The following KIRREL3 variants were observed in gnomAD, a reference collection of about 807,000 sequenced individuals.
The protein encoded by KIRREL3 is kirre like nephrin family adhesion molecule 3, also known as kin of IRRE-like protein 3.
In KIRREL3, 36 loss-of-function variants were observed where a neutral mutation model predicts 89.7. The observed-to-expected ratio is 0.40, with a 90% CI of 0.31 to 0.53. The LOEUF (loss-of-function observed/expected upper bound fraction) is 0.53, where lower values mean the gene tolerates loss of function less well. Ranked by LOEUF, KIRREL3 falls within the 20% of genes least tolerant of loss-of-function variation. KIRREL3 has a pLI of 0.49. For missense variants in KIRREL3, 864 were observed against 1,056.6 expected (o/e 0.82, Z 2.53); for synonymous variants, 445 against 441.4 (o/e 1.01, Z -0.10).
chr11:126,767,448 A>G (rs1433754573), intron 1 of KIRREL3, among the ~76,000 whole-genome samples: 1 of 152,206 alleles, frequency 6.6e-6, no homozygotes, highest in Non-Finnish European at 1.5e-5. Context: ...CTGGGAATGT[A>G]GACAACTAAT....
At chr11:126,864,121 A>G (rs1304541137) in intron 1 of KIRREL3, among the ~76,000 whole-genome samples, 1 of 152,258 alleles carries the variant, frequency 6.6e-6, no homozygotes, top group Non-Finnish European at 1.5e-5. Flanking sequence ...ATTACAAAGT[A>G]TAGAGCAGGA....
At chr11:126,800,735 C>A (rs550408665) in intron 1 of KIRREL3, among the ~76,000 whole-genome samples, 1 of 152,280 alleles carries the variant, frequency 6.6e-6, no homozygotes, top group African/African-American at 2.4e-5. Flanking sequence ...AAACAGGCCA[C>A]CCCTACAGCC....
Position 126,827,266 on chromosome 11 carries a change from C to T in KIRREL3, c.55+173189G>A, listed in dbSNP as rs543341536. ...GATCTTGGTTCACTGCAATCTCTGC[C>T]TCCCATGTTCAAGTGAGTCTTCTGC... On this transcript the variant is annotated intron_variant, in intron 1 of 16. Coordinates refer to ENST00000525144, the MANE Select transcript of KIRREL3 (RefSeq NM_032531.4). Among the ~76,000 whole-genome samples the T allele has an allele frequency of 9.2e-4, 140 of 152,158 alleles. 1 individual carries two copies. The highest frequency in any genetic ancestry group is 3.1e-3 in the African/African-American group (129 of 41,506).
In KIRREL3 at chr11:126,611,544, T is replaced by C. The variant is rs566481644; in HGVS notation, c.56-48632A>G. ...TTCATCTCCTTTGTTTTCCACTTGC[T>C]TAGTTTCCTACTCTTCCCTTTATCC... On this transcript the variant is annotated intron_variant, in intron 1 of 16. Coordinates refer to ENST00000525144, the MANE Select transcript of KIRREL3 (RefSeq NM_032531.4). The surrounding 1 kb of genome is among the most constrained non-coding windows in gnomAD (Gnocchi z 4.7). Among the ~76,000 whole-genome samples, 10 of 152,316 alleles carry C rather than the reference T, an allele frequency of 6.6e-5. No homozygotes were observed. Among genetic ancestry groups the C allele is most frequent in the African/African-American group, 2.2e-4 (9 of 41,578 alleles).
At position 126,771,809 on chromosome 11, in the gene KIRREL3, C is replaced by A. The variant is rs1699968290; in HGVS notation, c.56-208897G>T. Among the ~76,000 whole-genome samples the A allele has an allele frequency of 2.0e-5, 3 of 152,200 alleles. No homozygotes were observed. Among genetic ancestry groups the A allele is most frequent in the Admixed American group, 6.5e-5 (1 of 15,278 alleles). ...AGCCACAGATTTGGCACTGGCTAAT[C>A]CAGGTAGGCATGAATGGTATCTTGC... On this transcript the variant is annotated intron_variant, in intron 1 of 16. Transcript: ENST00000525144. The surrounding 1 kb of genome is among the most constrained non-coding windows in gnomAD (Gnocchi z 4.4).
In KIRREL3 at chr11:126,477,885, T is replaced by C. The variant is rs1957111178; in HGVS notation, c.434-4419A>G. Among the ~76,000 whole-genome samples the C allele has an allele frequency of 1.3e-5, 2 of 152,184 alleles. No homozygotes were observed. Among genetic ancestry groups the C allele is most frequent in the African/African-American group, 4.8e-5 (2 of 41,446 alleles). On this transcript the variant is annotated intron_variant, in intron 4 of 16. Transcript: ENST00000525144. This position sits in a 1 kb window ranked among gnomAD's most constrained non-coding sequence, Gnocchi z 4.8. The stretch of plus-strand genomic sequence containing the variant: ...CCATACTGCATGGTGGAGAACCTCA[T>C]AGACACCCAGCCCTTTGGAGAGCAA...
intron 2 of KIRREL3, among the ~76,000 whole-genome samples, chr11:126,532,508 T>C (rs1958974710): frequency 1.3e-5 from 2 of 152,154 alleles, no homozygotes; most frequent in South Asian, 4.1e-4. Context: ...CCTGAGTAGC[T>C]GAGATTACAG....
In KIRREL3 at chr11:126,425,715, C is replaced by A; in HGVS notation, c.1816G>T (p.Gly606Cys). ...AGGACTGAGTCTTGCTGGAATTCAC[C>A]CCGGTCCATCTGCAACCCAAAAAAG... ...STIKQLMMDR[G>C]EFQQDSVLKQ... Residue 606 changes from glycine to cysteine, a missense_variant, in exon 16 of 17, where the codon GGT (glycine) becomes TGT (cysteine). Physicochemically the swap from Gly to Cys is radical, Grantham distance 159. Transcript: ENST00000525144. 6.3e-7 allele frequency: 1 copy of A among 1,594,696 alleles called. No homozygotes were observed. The highest frequency in any genetic ancestry group is 8.5e-7 in the Non-Finnish European group (1 of 1,169,768).
At chr11:126,638,878 C>T (rs956000810) in intron 1 of KIRREL3, among the ~76,000 whole-genome samples, 19 of 152,176 alleles carry the variant, frequency 1.2e-4, no homozygotes, top group African/African-American at 4.6e-4. Context: ...CCAGTGACAG[C>T]AGGCACAATG....
In KIRREL3 at chr11:126,917,922, G is replaced by C. The variant is rs1042066638; in HGVS notation, c.55+82533C>G. ...TAATTGTTGAACTCGATTTCACTTG[G>C]TGTGTGATGACACATCTTACAGTGA... On this transcript the variant is annotated intron_variant, in intron 1 of 16. Coordinates refer to ENST00000525144, the MANE Select transcript of KIRREL3 (RefSeq NM_032531.4). The surrounding 1 kb of genome is among the most constrained non-coding windows in gnomAD (Gnocchi z 5.0). Among the ~76,000 whole-genome samples, 1 of 152,166 alleles carries C rather than the reference G, an allele frequency of 6.6e-6. No homozygotes were observed. The highest frequency in any genetic ancestry group is 1.9e-4 in the East Asian group (1 of 5,200).
In KIRREL3 at chr11:126,669,502, C is replaced by T. The variant is rs1416805094; in HGVS notation, c.56-106590G>A. 6.6e-6 allele frequency among the ~76,000 whole-genome samples: 1 copy of T among 152,168 alleles called. No individual in the cohort carries two copies. The highest frequency in any genetic ancestry group is 1.5e-5 in the Non-Finnish European group (1 of 68,028). The stretch of plus-strand genomic sequence containing the variant: ...ATGTATTTAAGGGCTTAATCATGGG[C>T]GGTTAGATTTTTAACTTCTGGTTCG... On this transcript the variant is annotated intron_variant, in intron 1 of 16. Transcript: ENST00000525144. This position sits in a 1 kb window ranked among gnomAD's most constrained non-coding sequence, Gnocchi z 5.0.
rs1950853768 is a variant in KIRREL3, at chr11:126,797,573, G to A, written c.55+202882C>T. Among the ~76,000 whole-genome samples, 1 of 152,088 alleles carries A rather than the reference G, an allele frequency of 6.6e-6. No homozygotes were observed. The highest frequency in any genetic ancestry group is 1.5e-5 in the Non-Finnish European group (1 of 68,008). On this transcript the variant is annotated intron_variant, in intron 1 of 16. Coordinates refer to ENST00000525144, the MANE Select transcript of KIRREL3 (RefSeq NM_032531.4). The surrounding 1 kb of genome is among the most constrained non-coding windows in gnomAD (Gnocchi z 4.9). ...AGAGTTTTATTAGTGGCTTACCATG[G>A]CACTTAGTCCCAATCTACTCCACAG...
rs1406084331 is a variant in KIRREL3, at chr11:126,611,830, C to T, written c.56-48918G>A. On this transcript the variant is annotated intron_variant, in intron 1 of 16. Coordinates refer to ENST00000525144, the MANE Select transcript of KIRREL3 (RefSeq NM_032531.4). The surrounding 1 kb of genome is among the most constrained non-coding windows in gnomAD (Gnocchi z 4.7). ...GAATGGATCACACCTTGGCTGGACC[C>T]ATCAGGCTGGAACACCAGATTCTTA... Among the ~76,000 whole-genome samples the T allele has an allele frequency of 1.3e-5, 2 of 152,216 alleles. No individual in the cohort carries two copies. Among genetic ancestry groups the T allele is most frequent in the Non-Finnish European group, 2.9e-5 (2 of 68,034 alleles).
At chr11:126,712,028 G>A (rs1018637942) in intron 1 of KIRREL3, among the ~76,000 whole-genome samples, 1 of 152,310 alleles carries the variant, frequency 6.6e-6, no homozygotes, top group Non-Finnish European at 1.5e-5. Context: ...AAGGTGGTCC[G>A]GGCCTTCTGC....
intron 1 of KIRREL3, among the ~76,000 whole-genome samples, chr11:126,959,090 G>A (rs1343588175): frequency 6.6e-6 from 1 of 152,080 alleles, no homozygotes; most frequent in African/African-American, 2.4e-5. Context: ...CTATCTGATA[G>A]CCTTGAGCTG....
At chr11:126,692,366 G>T (rs897684416) in intron 1 of KIRREL3, among the ~76,000 whole-genome samples, 3 of 151,870 alleles carry the variant, frequency 2.0e-5, no homozygotes, top group African/African-American at 7.3e-5. Flanking sequence ...CCAACATGGA[G>T]AAACCCTGCG....
intron 1 of KIRREL3, among the ~76,000 whole-genome samples, chr11:126,701,679 G>T (rs1407646825): frequency 6.6e-6 from 1 of 152,168 alleles, no homozygotes; most frequent in Non-Finnish European, 1.5e-5. Context: ...GAGGAGGTCA[G>T]AGGGTGGAGG....
rs76971785 is a variant in KIRREL3, at chr11:126,955,104, G to T, written c.55+45351C>A. On this transcript the variant is annotated intron_variant, in intron 1 of 16. Transcript: ENST00000525144. This position sits in a 1 kb window ranked among gnomAD's most constrained non-coding sequence, Gnocchi z 4.6. ...CTGAAGGCCACATCTGCCTGAGGGG[G>T]TACTGCTGCAGGCGTGTGGCTTTTC... Among the ~76,000 whole-genome samples, 542 of 152,352 alleles carry T rather than the reference G, an allele frequency of 3.6e-3. 5 individuals carry two copies. The highest frequency in any genetic ancestry group is 0.012 in the African/African-American group (499 of 41,576).
intron 1 of KIRREL3, among the ~76,000 whole-genome samples, chr11:126,841,855 T>G (rs2134525999): frequency 6.6e-6 from 1 of 152,330 alleles, no homozygotes; most frequent in African/African-American, 2.4e-5. Context: ...AGTTGGTTTT[T>G]TCCTACTTAA....
Sources: allele counts gnomAD v4.1 joint callset (sites outside exome capture counted in the v4.1 genomes callset), GRCh38; gene constraint gnomAD v4.1.1; non-coding constraint Gnocchi (gnomAD v3.1); transcripts MANE v1.5; gene names NCBI Gene and HGNC (gene_info 2026-07-23, HGNC 2026-07-21).